CDC45: variants seen among roughly 807,000 people sequenced by gnomAD.
CDC45 encodes the protein cell division cycle 45.
In CDC45, 54 loss-of-function variants were observed where a neutral mutation model predicts 77.8. The ratio of observed to expected loss-of-function variants is 0.69; its 90% CI spans 0.56 to 0.87. The LOEUF (loss-of-function observed/expected upper bound fraction) is 0.87. Ranked by LOEUF, CDC45 falls within the 40% of genes least tolerant of loss-of-function variation. The pLI is 0.00. For missense variants in CDC45, 649 were observed against 721.6 expected (o/e 0.90, Z 1.15); for synonymous variants, 260 against 272.1 (o/e 0.96, Z 0.44).
At chr22:19,499,742 G>C (rs917448312) in intron 9 of CDC45, among the ~76,000 whole-genome samples, 2 of 152,220 alleles carry the variant, frequency 1.3e-5, no homozygotes, top group African/African-American at 4.8e-5. Context: ...TTTCATCCCT[G>C]CTAATGCACG....
At chr22:19,481,128 T>G in intron 3 of CDC45, 83 bp downstream of exon 3, 1 of 892,110 alleles carries the variant, frequency 1.1e-6, no homozygotes, top group Non-Finnish European at 1.8e-6. Context: ...CACGATAGAT[T>G]AAGCGTGTAT....
intron 13 of CDC45, among the ~76,000 whole-genome samples, chr22:19,509,475 T>C (rs939053267): frequency 6.6e-6 from 1 of 152,178 alleles, no homozygotes; most frequent in Non-Finnish European, 1.5e-5. Context: ...TGTGGGGTTA[T>C]TTAGAAAGTC....
rs148062883 is a variant in CDC45, at chr22:19,514,965, G to A, written c.1357G>A (p.Gly453Ser). 2.2e-3 allele frequency: 3,494 copies of A among 1,614,190 alleles called. 10 individuals are homozygous for A. Among genetic ancestry groups the A allele is most frequent in the Admixed American group, 3.0e-3 (180 of 60,028 alleles). The change falls in exon 15 of 19, where the codon GGC (glycine) becomes AGC (serine). Residue 453 changes from glycine (G) to serine (S), a missense_variant and splice_region_variant. Gly to Ser is a moderately conservative substitution (Grantham distance 56). Transcript: ENST00000263201. ...CTGACCATCTGTCTCGCCTCCGCAG[G>A]GCACTCCAGATGTCATGCTGTTCTC... ...GPFLYCSLME[G>S]TPDVMLFSRP...
intron 6 of CDC45, 42 bp from the exon 7 acceptor site, chr22:19,495,939 C>A: frequency 1.4e-6 from 2 of 1,453,874 alleles, no homozygotes; most frequent in Non-Finnish European, 1.9e-6. Flanking sequence ...GCTTCCTGTA[C>A]TGCTACTTCC....
intron 9 of CDC45, among the ~76,000 whole-genome samples, chr22:19,500,912 C>T (rs377191611): frequency 6.6e-6 from 1 of 152,214 alleles, no homozygotes; most frequent in Non-Finnish European, 1.5e-5. Flanking sequence ...CGCGATGGCT[C>T]ACCCCTGTAA....
intron 5 of CDC45, among the ~76,000 whole-genome samples, chr22:19,486,236 A>G (rs547589844): frequency 6.6e-6 from 1 of 152,376 alleles, no homozygotes; most frequent in South Asian, 2.1e-4. Flanking sequence ...CCTAAGAATA[A>G]GGACATTCTT....
rs1436212835 is a variant in CDC45 at position 19,505,490 on chromosome 22, G to T, written c.824+9G>T. On this transcript the variant is annotated intron_variant, in intron 10 of 18. Coordinates refer to ENST00000263201, the MANE Select transcript of CDC45 (RefSeq NM_003504.5). ...ATCTCCTTTGAGTATGAGTATCCTT[G>T]TGGCCCAGCCTGAGGGGCACAGGCA... 1.1e-5 allele frequency: 17 copies of T among 1,613,996 alleles called. No individual in the cohort carries two copies. The East Asian group carries it at 3.8e-4, about 36-fold the overall frequency.
chr22:19,499,083 T>C lies in CDC45; in HGVS notation c.654-18T>C, dbSNP rs373632535. 9.8e-5 allele frequency: 158 copies of C among 1,613,848 alleles called. No homozygotes were observed. Among genetic ancestry groups the C allele is most frequent in the Non-Finnish European group, 1.3e-4 (152 of 1,179,854 alleles). ...CAGGTGGGCTATAGGCCGGCTCCAC[T>C]GCCTTCTCTTCTTCCAGGTGGGCCA... On this transcript the variant is annotated intron_variant, in intron 8 of 18. Transcript: ENST00000263201.
chr22:19,519,218 C>T (rs779881474), intron 18 of CDC45, among the ~76,000 whole-genome samples: 8 of 152,270 alleles, frequency 5.3e-5, no homozygotes, highest in Non-Finnish European at 1.2e-4. Flanking sequence ...CACACACAGA[C>T]TCCCTGGTGC....
intron 1 of CDC45, 49 bp from the exon 2 acceptor site, chr22:19,480,109 G>C (rs1405842972): frequency 1.8e-5 from 29 of 1,612,640 alleles, no homozygotes; most frequent in Non-Finnish European, 2.4e-5. Flanking sequence ...GGCAGGGGAG[G>C]GCCGGGGTTC....
At chr22:19,504,700 C>CT (rs1190169155) in intron 9 of CDC45, among the ~76,000 whole-genome samples, 1 of 152,156 alleles carries the variant, frequency 6.6e-6, no homozygotes, top group African/African-American at 2.4e-5. Context: ...GTACAAACTG[C>CT]ACTCTTGGTT....
chr22:19,517,582 C>T (rs1248941275), intron 17 of CDC45, among the ~76,000 whole-genome samples: 2 of 152,218 alleles, frequency 1.3e-5, no homozygotes, highest in South Asian at 2.1e-4. Flanking sequence ...GCTTCAACCA[C>T]GTGTCTCCTC....
At chr22:19,480,425 T>C (rs537659518) in intron 2 of CDC45, among the ~76,000 whole-genome samples, 2 of 152,174 alleles carry the variant, frequency 1.3e-5, no homozygotes, top group African/African-American at 4.8e-5. Flanking sequence ...GGATAAAGGA[T>C]TAAGTAAAAG....
At position 19,514,893 on chromosome 22, in the gene CDC45, G is replaced by T. The variant is rs372316748; in HGVS notation, c.1356+6G>T. On this transcript the variant is annotated splice_donor_region_variant and intron_variant, in intron 14 of 18. Coordinates refer to ENST00000263201, the MANE Select transcript of CDC45 (RefSeq NM_003504.5). ...TGTACTGCTCTCTCATGGAGGTCAG[G>T]CTTCCCACAGAGCACAGGCGCCTGG... is the stretch of plus-strand genomic sequence containing the variant. 1.6e-4 allele frequency: 258 copies of T among 1,614,202 alleles called. 1 individual carries two copies. In the Middle Eastern group the frequency reaches 6.6e-3, roughly 41 times the overall value.
intron 3 of CDC45, 58 bp from the exon 4 acceptor site, chr22:19,482,632 A>G: frequency 6.4e-7 from 1 of 1,564,600 alleles, no homozygotes; most frequent in Non-Finnish European, 8.8e-7. Context: ...AGGCTTAGTG[A>G]TGAAGGAAAA....
chr22:19,514,689 G>A (rs1461297446), intron 13 of CDC45, 60 bp from the exon 14 acceptor site: 2 of 1,414,766 alleles, frequency 1.4e-6, no homozygotes, highest in Admixed American at 4.3e-5. Context: ...TTGTGACTTT[G>A]GTATTTTACC....
intron 9 of CDC45, among the ~76,000 whole-genome samples, chr22:19,501,761 C>CTGGA (rs1315250255): frequency 6.6e-6 from 1 of 152,202 alleles, no homozygotes; most frequent in Non-Finnish European, 1.5e-5. Context: ...GTCTCACAGG[C>CTGGA]TGGAGTGTGT....
At chr22:19,518,973 C>T (rs1466184511) in intron 18 of CDC45, 64 bp downstream of exon 18, 2 of 1,192,822 alleles carry the variant, frequency 1.7e-6, no homozygotes, top group Admixed American at 1.7e-5. Flanking sequence ...CCCTGATGCC[C>T]TGCTCTGTCC....
chr22:19,510,708 T>C (rs1227920867), intron 13 of CDC45, among the ~76,000 whole-genome samples: 2 of 152,174 alleles, frequency 1.3e-5, no homozygotes, highest in Non-Finnish European at 2.9e-5. Flanking sequence ...TTTGTAGTTT[T>C]AATAGAGACG....
Sources: gnomAD v4.1 joint callset for allele counts (sites outside exome capture counted in the v4.1 genomes callset) on GRCh38, gnomAD v4.1.1 for gene constraint, MANE v1.5 for transcripts, NCBI Gene and HGNC (gene_info 2026-07-23, HGNC 2026-07-21) for gene names.